Variants in CACNA1I observed in about 807,000 individuals in gnomAD.
The protein encoded by CACNA1I is calcium voltage-gated channel subunit alpha1 I.
Under a neutral mutation model 201.6 loss-of-function variants are expected in CACNA1I, and 74 were observed. That is an observed-to-expected ratio of 0.37 (90% confidence interval 0.30 to 0.45). The LOEUF (loss-of-function observed/expected upper bound fraction) is 0.45, where lower values mean the gene tolerates loss of function less well. Among genes scored for constraint, CACNA1I ranks in the 20% least tolerant of loss-of-function variants. The probability of loss-of-function intolerance (pLI) is 1.00; values close to 1 mark genes in which losing one functional copy is unlikely to be tolerated. For synonymous variants in CACNA1I, 1,431 were observed against 1,345.2 expected, an observed-to-expected ratio of 1.06 and a Z score of -1.40; for missense variants, 2,346 against 3,138.1, an observed-to-expected ratio of 0.75 and a Z score of 6.03.
Position 39,684,233 on chromosome 22 carries a change from G to T in CACNA1I, c.5831-69G>T. The T allele has an allele frequency of 7.1e-7, 1 of 1,407,828 alleles. No individual in the cohort carries two copies. The highest frequency in any genetic ancestry group is 9.9e-7 in the Non-Finnish European group (1 of 1,010,542). 87.2% of individuals were successfully genotyped at this position (1,407,828 alleles called of 1,614,324 possible). On this transcript the variant is annotated intron_variant, in intron 35 of 36. Transcript: ENST00000402142. This position sits in a 1 kb window ranked among gnomAD's most constrained non-coding sequence, Gnocchi z 4.6. ...TGGCCCAGTGAGATTGGTGCTCAAT[G>T]CCACCTTCCAGGGGCTGCCCCCTGG...
At chr22:39,589,623 G>A (rs1205069669) in intron 1 of CACNA1I, among the ~76,000 whole-genome samples, 2 of 152,216 alleles carry the variant, frequency 1.3e-5, no homozygotes, top group African/African-American at 4.8e-5. Flanking sequence ...GCACCCTGAG[G>A]CACAGGCCAC....
chr22:39,679,984 G>A (rs1034172631), intron 33 of CACNA1I, 116 bp downstream of exon 33: 11 of 1,016,362 alleles, frequency 1.1e-5, no homozygotes, highest in South Asian at 3.3e-5. Flanking sequence ...CTGGGTCAAC[G>A]TGGGCACACG....
At chr22:39,612,900 T>C (rs996542415) in intron 3 of CACNA1I, among the ~76,000 whole-genome samples, 5 of 152,212 alleles carry the variant, frequency 3.3e-5, no homozygotes, top group Non-Finnish European at 5.9e-5. Flanking sequence ...TCCCCGGATA[T>C]TGGCAATGGC....
intron 4 of CACNA1I, among the ~76,000 whole-genome samples, chr22:39,631,877 C>T (rs1259644264): frequency 6.6e-6 from 1 of 152,122 alleles, no homozygotes; most frequent in Non-Finnish European, 1.5e-5. Context: ...CCTGTGGCCC[C>T]TCTTCCCTGG....
chr22:39,576,960 CTT>C (rs763038364), intron 1 of CACNA1I, among the ~76,000 whole-genome samples: 1 of 142,110 alleles, frequency 7.0e-6, no homozygotes, highest in Admixed American at 7.1e-5. Context: ...TCTTCTTCTT[CTT>C]TTTTTTTGAG....
chr22:39,686,425 C>T lies in CACNA1I; in HGVS notation c.*20C>T. The T allele has an allele frequency of 1.6e-6, 2 of 1,222,596 alleles. No homozygotes were observed. The highest frequency in any genetic ancestry group is 1.0e-6 in the Non-Finnish European group (1 of 976,376). 75.7% of individuals were successfully genotyped at this position (1,222,596 alleles called of 1,614,324 possible). On this transcript the variant is annotated 3_prime_UTR_variant, in exon 37 of 37. Coordinates refer to ENST00000402142, the MANE Select transcript of CACNA1I (RefSeq NM_021096.4). ...AGATGAGGGTCGCAGGGGCCCCCGG[C>T]CGCCCACCGCCCGCCCCGTCTCACC...
intron 24 of CACNA1I, 71 bp from the exon 25 acceptor site, chr22:39,669,967 C>A: frequency 6.4e-7 from 1 of 1,563,248 alleles, no homozygotes; most frequent in Non-Finnish European, 8.8e-7. Flanking sequence ...GAGGCTCAGC[C>A]AGGATGGGCA....
At position 39,585,699 on chromosome 22, in the gene CACNA1I, TAAA is replaced by T. The variant is rs577223485; in HGVS notation, c.237-12435_237-12433del. ...GAGCTACCATGCCCAGCTGTAAACT[TAAA>T]AAAAAAAAAAAAAAAACTTTTAAAG... On this transcript the variant is annotated intron_variant, in intron 1 of 36. Coordinates refer to ENST00000402142, the MANE Select transcript of CACNA1I (RefSeq NM_021096.4). Among the ~76,000 whole-genome samples the T allele has an allele frequency of 7.6e-3, 683 of 90,436 alleles. 7 individuals are homozygous for T. Among genetic ancestry groups the T allele is most frequent in the African/African-American group, 0.028 (665 of 23,456 alleles). The allele number at this position is 90,436 out of a possible 152,430, so 59.3% of individuals were successfully genotyped here.
At chr22:39,627,098 CT>C (rs1360242409) in intron 4 of CACNA1I, among the ~76,000 whole-genome samples, 5 of 152,200 alleles carry the variant, frequency 3.3e-5, no homozygotes, top group Non-Finnish European at 7.3e-5. Flanking sequence ...CCTTTCCGTT[CT>C]TTTAGCGTGT....
chr22:39,619,191 C>T, intron 3 of CACNA1I, 119 bp from the exon 4 acceptor site: 2 of 754,518 alleles, frequency 2.7e-6, no homozygotes, highest in Non-Finnish European at 4.6e-6. Context: ...GATCCGACTG[C>T]TGTCTTTACT....
chr22:39,662,140 C>T lies in CACNA1I; in HGVS notation c.3077C>T (p.Pro1026Leu), dbSNP rs57299573. ...TGCGAGGTTGCCGCGGACGAGGGGC[C>T]GCCGCGGGCCGCACCCCTGCACACC... The part of the protein sequence containing the change: ...RVCEVAADEG[P>L]PRAAPLHTPH... Residue 1026 changes from proline (P) to leucine (L), a missense_variant, in exon 17 of 37, where the codon CCG (proline) becomes CTG (leucine). Pro to Leu is a moderately conservative substitution (Grantham distance 98). Coordinates refer to ENST00000402142, the MANE Select transcript of CACNA1I (RefSeq NM_021096.4). The T allele has an allele frequency of 4.9e-3, 7,549 of 1,525,242 alleles. 33 individuals carry two copies. Among genetic ancestry groups the T allele is most frequent in the Middle Eastern group, 0.028 (156 of 5,642 alleles). The allele number at this position is 1,525,242 out of a possible 1,614,324, so 94.5% of individuals were successfully genotyped here. A position where few individuals can be genotyped will look rare whatever the true frequency, so the allele number is the denominator to read the frequency against.
At chr22:39,650,331 CAGAT>C (rs1216112718) in intron 10 of CACNA1I, among the ~76,000 whole-genome samples, 1 of 151,714 alleles carries the variant, frequency 6.6e-6, no homozygotes, top group Non-Finnish European at 1.5e-5. Flanking sequence ...ATTTAAAAAA[CAGAT>C]AGAGTCAGAG....
At chr22:39,604,016 A>C (rs1933139951) in intron 3 of CACNA1I, among the ~76,000 whole-genome samples, 1 of 152,242 alleles carries the variant, frequency 6.6e-6, no homozygotes. Context: ...CTGGATAATG[A>C]AATAATCTTT....
intron 1 of CACNA1I, among the ~76,000 whole-genome samples, chr22:39,596,537 G>A (rs946783250): frequency 5.3e-5 from 8 of 149,830 alleles, no homozygotes; most frequent in Non-Finnish European, 8.9e-5. Flanking sequence ...CAGGGCAGAG[G>A]GAGATGGGGT....
At chr22:39,657,198 G>A (rs1055463832) in intron 10 of CACNA1I, among the ~76,000 whole-genome samples, 5 of 152,162 alleles carry the variant, frequency 3.3e-5, no homozygotes, top group African/African-American at 1.2e-4. Flanking sequence ...GAACACTGGG[G>A]TTCTTTGAAC....
intron 7 of CACNA1I, chr22:39,643,363 C>T (rs1934396920): frequency 6.4e-6 from 1 of 157,140 alleles, no homozygotes; most frequent in Non-Finnish European, 1.4e-5. Context: ...AGAGGGACTC[C>T]CATCTCTTGG....
chr22:39,656,661 T>TGAAC lies in CACNA1I; in HGVS notation c.1993-1488_1993-1487insCGAA, dbSNP rs200582294. 2.2e-3 allele frequency: 1,145 copies of TGAAC among 518,952 alleles called. 11 individuals are homozygous for TGAAC. Among genetic ancestry groups the TGAAC allele is most frequent in the African/African-American group, 0.02 (1,031 of 52,036 alleles). The allele number at this position is 518,952 out of a possible 1,614,324, so 32.1% of individuals were successfully genotyped here. On this transcript the variant is annotated intron_variant, in intron 10 of 36. Coordinates refer to ENST00000402142, the MANE Select transcript of CACNA1I (RefSeq NM_021096.4). The stretch of plus-strand genomic sequence containing the variant: ...ATGCAGGAATGAATGAATGAATGAA[T>TGAAC]GAATGAATGAATTTGGCTGCAGTCC...
intron 1 of CACNA1I, among the ~76,000 whole-genome samples, chr22:39,586,811 C>T: frequency 6.6e-6 from 1 of 152,212 alleles, no homozygotes. Flanking sequence ...GTCGAGCCCT[C>T]ACCCTCTCAG....
chr22:39,619,384 T>C lies in CACNA1I; in HGVS notation c.557T>C (p.Leu186Pro). 6.2e-7 allele frequency: 1 copy of C among 1,608,682 alleles called. No homozygotes were observed. ...CGCACCGTGCGCGTCCTGAGGCCCC[T>C]CAAAGCCATCAACCGCGTGCCCAGT... ...AIRTVRVLRP[L>P]KAINRVPSMR... Residue 186 changes from leucine (L) to proline (P), a missense_variant, in exon 4 of 37, where the codon CTC becomes CCC. By Grantham distance (98) the Leu-to-Pro change is moderately conservative. Coordinates refer to ENST00000402142, the MANE Select transcript of CACNA1I (RefSeq NM_021096.4).
Sources: gnomAD v4.1 joint callset for allele counts (sites outside exome capture counted in the v4.1 genomes callset) on GRCh38, gnomAD v4.1.1 for gene constraint, Gnocchi (gnomAD v3.1) non-coding constraint, MANE v1.5 for transcripts, NCBI Gene and HGNC (gene_info 2026-07-23, HGNC 2026-07-21) for gene names.